DMXL2: variants seen among roughly 807,000 people sequenced by gnomAD.
DMXL2 encodes the protein Dmx like 2, also known as dmX-like protein 2.
A neutral mutation model predicts 331.1 loss-of-function variants in DMXL2; 103 were observed. The observed-to-expected ratio is 0.31, with a 90% CI of 0.27 to 0.37. DMXL2 has a LOEUF of 0.37. Ranked by LOEUF, DMXL2 falls within the 10% of genes least tolerant of loss-of-function variation. The pLI is 1.00. For synonymous variants in DMXL2, 1,281 were observed against 1,252.1 expected (o/e 1.02, Z -0.49); for missense variants, 3,171 against 3,642.9 (o/e 0.87, Z 3.33).
chr15:51,515,243 G>T (rs2046971083), intron 14 of DMXL2, among the ~76,000 whole-genome samples: 2 of 152,110 alleles, frequency 1.3e-5, no homozygotes, highest in Non-Finnish European at 2.9e-5. Context: ...AGGAACTGAA[G>T]TTCAAGGAAA....
intron 1 of DMXL2, among the ~76,000 whole-genome samples, chr15:51,617,972 T>A (rs1165288319): frequency 6.6e-6 from 1 of 152,184 alleles, no homozygotes; most frequent in Non-Finnish European, 1.5e-5. Flanking sequence ...GTTTTAAATG[T>A]ATCCGTTTAA....
chr15:51,579,526 C>T (rs2051269089), intron 1 of DMXL2, among the ~76,000 whole-genome samples: 1 of 152,154 alleles, frequency 6.6e-6, no homozygotes, highest in Non-Finnish European at 1.5e-5. Flanking sequence ...CTTACCTTGT[C>T]CTTGTTTACC....
At position 51,498,194 on chromosome 15, in the gene DMXL2, T is replaced by C. The variant is rs1177869344; in HGVS notation, c.4672+358A>G. Among the ~76,000 whole-genome samples, 3 of 152,114 alleles carry C rather than the reference T, an allele frequency of 2.0e-5. No homozygotes were observed. In the East Asian group the frequency reaches 5.8e-4, roughly 29 times the overall value. The stretch of plus-strand genomic sequence containing the variant: ...GGTTAAGGCTACAGTGACCCATGAC[T>C]GCACCGCTCAACTCCAGCTTGGGCA... On this transcript the variant is annotated intron_variant, in intron 18 of 43. Transcript: ENST00000560891.
intron 32 of DMXL2, 34 bp from the exon 33 acceptor site, chr15:51,463,530 A>G: frequency 8.3e-7 from 1 of 1,203,854 alleles, no homozygotes. Flanking sequence ...ACACTACTTT[A>G]GTCTATAGAA....
chr15:51,523,239 G>C (rs915651412), intron 13 of DMXL2, among the ~76,000 whole-genome samples: 1 of 152,216 alleles, frequency 6.6e-6, no homozygotes, highest in Non-Finnish European at 1.5e-5. Flanking sequence ...TAATGGAAAT[G>C]TGACAGAAAG....
intron 1 of DMXL2, among the ~76,000 whole-genome samples, chr15:51,604,888 T>C (rs144778375): frequency 5.8e-4 from 89 of 152,286 alleles, no homozygotes; most frequent in African/African-American, 1.9e-3. Flanking sequence ...GGCAAAAGGA[T>C]AGAGACATAG....
At chr15:51,555,082 C>G (rs976631371) in intron 6 of DMXL2, among the ~76,000 whole-genome samples, 2 of 152,142 alleles carry the variant, frequency 1.3e-5, no homozygotes, top group African/African-American at 4.8e-5. Flanking sequence ...TGCTTGAACC[C>G]AGGAGGCAGA....
chr15:51,449,338 G>A (rs2038932014), intron 43 of DMXL2, 145 bp from the exon 44 acceptor site: 2 of 683,822 alleles, frequency 2.9e-6, no homozygotes, highest in Non-Finnish European at 4.9e-6. Context: ...TATCTAAGTG[G>A]GAAATGATAA....
chr15:51,581,853 C>T (rs1368518598), intron 1 of DMXL2, among the ~76,000 whole-genome samples: 1 of 152,018 alleles, frequency 6.6e-6, no homozygotes, highest in Admixed American at 6.6e-5. Flanking sequence ...AGATCATTGA[C>T]AACTACTGAT....
chr15:51,476,516 A>T (rs1309766447), intron 27 of DMXL2, 73 bp downstream of exon 27: 1 of 1,537,922 alleles, frequency 6.5e-7, no homozygotes, highest in East Asian at 2.3e-5. Flanking sequence ...ACAAGCAGGA[A>T]ACTGGTCAGT....
chr15:51,576,203 A>AAAAAAAAAAAAAAAAT (rs1555441495), intron 1 of DMXL2, 22 bp from the exon 2 acceptor site: 5 of 1,373,716 alleles, frequency 3.6e-6, no homozygotes, highest in East Asian at 2.5e-5. Context: ...AAAAAAAAAA[A>AAAAAAAAAAAAAAAAT]GTTTTACAAT....
At chr15:51,533,352 G>C (rs1333973006) in intron 13 of DMXL2, among the ~76,000 whole-genome samples, 2 of 152,042 alleles carry the variant, frequency 1.3e-5, no homozygotes, top group Non-Finnish European at 2.9e-5. Flanking sequence ...ATTATTATTT[G>C]AAGGTAGACT....
At chr15:51,521,452 AGTAGTAGTAG>A (rs1567062844) in intron 13 of DMXL2, among the ~76,000 whole-genome samples, 9 of 117,362 alleles carry the variant, frequency 7.7e-5, no homozygotes, top group Non-Finnish European at 1.7e-4. Flanking sequence ...TAGTAGTAGT[AGTAGTAGTAG>A]TGGTAGTGGT....
At chr15:51,521,463 T>TA (rs2047373463) in intron 13 of DMXL2, among the ~76,000 whole-genome samples, 64 of 109,954 alleles carry the variant, frequency 5.8e-4, no homozygotes, top group African/African-American at 1.8e-3. Context: ...GTAGTAGTAG[T>TA]GGTAGTGGTA....
chr15:51,524,104 A>T (rs2047531579), intron 13 of DMXL2, among the ~76,000 whole-genome samples: 1 of 152,230 alleles, frequency 6.6e-6, no homozygotes, highest in African/African-American at 2.4e-5. Flanking sequence ...AAACTTCAAC[A>T]AACTAAAAAG....
intron 13 of DMXL2, among the ~76,000 whole-genome samples, chr15:51,525,351 A>G (rs1357171785): frequency 6.6e-6 from 1 of 152,130 alleles, no homozygotes; most frequent in African/African-American, 2.4e-5. Context: ...GACTCCTGCT[A>G]GAGAAAAGGA....
At chr15:51,599,844 C>T (rs2141304022) in intron 1 of DMXL2, among the ~76,000 whole-genome samples, 1 of 152,256 alleles carries the variant, frequency 6.6e-6, no homozygotes, top group South Asian at 2.1e-4. Flanking sequence ...GGATTACAGG[C>T]ACGTGCCAAC....
chr15:51,472,323 A>G (rs576886236), intron 28 of DMXL2, among the ~76,000 whole-genome samples: 5 of 152,216 alleles, frequency 3.3e-5, no homozygotes, highest in Non-Finnish European at 5.9e-5. Context: ...CACTCTGACC[A>G]TAACTAACAC....
intron 13 of DMXL2, among the ~76,000 whole-genome samples, chr15:51,533,431 G>T (rs1254512636): frequency 6.6e-6 from 1 of 152,126 alleles, no homozygotes; most frequent in African/African-American, 2.4e-5. Flanking sequence ...GAGTATAATG[G>T]AGAACAAATA....
Sources: gnomAD v4.1 joint callset for allele counts (sites outside exome capture counted in the v4.1 genomes callset) on GRCh38, gnomAD v4.1.1 for gene constraint, MANE v1.5 for transcripts, NCBI Gene and HGNC (gene_info 2026-07-23, HGNC 2026-07-21) for gene names.